Variants in AHI1 observed in about 807,000 individuals in gnomAD.
AHI1 encodes Abelson helper integration site 1.
Under a neutral mutation model 149.3 loss-of-function variants are expected in AHI1, and 123 were observed. That is an observed-to-expected ratio of 0.82 (90% CI 0.71 to 0.96). AHI1 has a LOEUF of 0.96. Ranked by LOEUF, AHI1 falls within the 40% of genes least tolerant of loss-of-function variation. The pLI is 0.00. For synonymous variants in AHI1, 475 were observed against 459.8 expected (o/e 1.03, Z -0.42); for missense variants, 1,439 against 1,422.7 (o/e 1.01, Z -0.18).
In AHI1 at chr6:135,357,042, G is replaced by A. The variant is rs147736601; in HGVS notation, c.3165+1090C>T. On this transcript the variant is annotated intron_variant, in intron 24 of 28. Coordinates refer to ENST00000265602, the MANE Select transcript of AHI1 (RefSeq NM_001134831.2). ...CAACCTTCACCTCCTGGGTTCAAGC[G>A]ATTCCCCTGCCTCAGCCTCCCGAGT... 6.5e-3 allele frequency among the ~76,000 whole-genome samples: 983 copies of A among 152,248 alleles called. 16 individuals are homozygous for A. Among genetic ancestry groups the A allele is most frequent in the African/African-American group, 0.023 (937 of 41,536 alleles).
intron 23 of AHI1, among the ~76,000 whole-genome samples, chr6:135,375,537 G>C (rs1473005951): frequency 1.3e-5 from 2 of 152,116 alleles, no homozygotes; most frequent in African/African-American, 4.8e-5. Context: ...TGGACATTTT[G>C]AAAAATAAAT....
intron 23 of AHI1, among the ~76,000 whole-genome samples, chr6:135,374,175 G>A (rs1480637298): frequency 3.7e-5 from 5 of 134,290 alleles, no homozygotes; most frequent in African/African-American, 8.4e-5. Flanking sequence ...GTGCAGTGGC[G>A]CAATCTCGGC....
At position 135,428,663 on chromosome 6, in the gene AHI1, C is replaced by T. The variant is rs147279669; in HGVS notation, c.2589G>A (p.Glu863=). ...PCGTFLFAGS[E]DGIVYVWNPE... ...GGTTCCAAACATACACTATACCATC[C>T]TCACTTCCAGCAAACAGAAAAGTCC... is the stretch of plus-strand genomic sequence containing the variant. Residue 863 remains glutamate, a synonymous_variant, in exon 19 of 29, where the codon GAG becomes GAA. Coordinates refer to ENST00000265602, the MANE Select transcript of AHI1 (RefSeq NM_001134831.2). 591 of 1,608,752 alleles carry T rather than the reference C, an allele frequency of 3.7e-4. 2 individuals are homozygous for T. The East Asian group carries it at 0.011, about 29-fold the overall frequency.
At chr6:135,321,522 G>C (rs1562495933) in intron 25 of AHI1, among the ~76,000 whole-genome samples, 1 of 152,134 alleles carries the variant, frequency 6.6e-6, no homozygotes, top group African/African-American at 2.4e-5. Context: ...AGACAAGGTC[G>C]TGGGAAGGTG....
chr6:135,361,649 A>T (rs1361464215), intron 23 of AHI1, among the ~76,000 whole-genome samples: 18 of 28,296 alleles, frequency 6.4e-4, no homozygotes, highest in Admixed American at 1.3e-3. Flanking sequence ...ATGGTTTCAC[A>T]CACACACACA....
At chr6:135,324,618 G>A (rs1206316615) in intron 24 of AHI1, among the ~76,000 whole-genome samples, 3 of 151,526 alleles carry the variant, frequency 2.0e-5, no homozygotes, top group African/African-American at 7.3e-5. Context: ...GTCCAGGGAA[G>A]AGAAACCTAA....
intron 24 of AHI1, among the ~76,000 whole-genome samples, chr6:135,327,487 T>C (rs967928701): frequency 6.6e-6 from 1 of 152,232 alleles, no homozygotes; most frequent in Non-Finnish European, 1.5e-5. Flanking sequence ...CCTCATTTTA[T>C]TGTATTTCAC....
In AHI1 at chr6:135,414,783, C is replaced by T. The variant is rs181877902; in HGVS notation, c.2765-3239G>A. ...AATGGCTAATATTCAAAAGATTGGC[C>T]ATTTCTTTTTTTAAATTTTTTTATT... On this transcript the variant is annotated intron_variant, in intron 20 of 28. Coordinates refer to ENST00000265602, the MANE Select transcript of AHI1 (RefSeq NM_001134831.2). 7.6e-3 allele frequency among the ~76,000 whole-genome samples: 1,153 copies of T among 151,686 alleles called. 18 individuals are homozygous for T. The highest frequency in any genetic ancestry group is 0.026 in the African/African-American group (1,093 of 41,388).
At chr6:135,447,648 T>G (rs1787451692) in intron 12 of AHI1, among the ~76,000 whole-genome samples, 1 of 152,140 alleles carries the variant, frequency 6.6e-6, no homozygotes, top group South Asian at 2.1e-4. Context: ...ACCTGAAAAA[T>G]TAATGTCTTA....
chr6:135,335,493 C>G (rs745459234), intron 24 of AHI1, among the ~76,000 whole-genome samples: 15 of 150,282 alleles, frequency 1.0e-4, no homozygotes, highest in Non-Finnish European at 1.9e-4. Context: ...TGGGATGTTA[C>G]ATTGTATTTG....
intron 23 of AHI1, among the ~76,000 whole-genome samples, chr6:135,394,193 T>C (rs1778899722): frequency 6.6e-6 from 1 of 152,098 alleles, no homozygotes; most frequent in Non-Finnish European, 1.5e-5. Flanking sequence ...AAGTCATCTT[T>C]CAATACCACA....
chr6:135,475,428 T>C (rs993485795), intron 5 of AHI1, among the ~76,000 whole-genome samples: 49 of 152,338 alleles, frequency 3.2e-4, no homozygotes, highest in Admixed American at 3.0e-3. Context: ...GATAAGAGTG[T>C]TTCTAAATGC....
In AHI1 at chr6:135,300,398, TTA is replaced by T. The variant is rs1262426578; in HGVS notation, c.3485+100_3485+101del. 9.9e-6 allele frequency: 12 copies of T among 1,215,284 alleles called. No homozygotes were observed. In the African/African-American group the frequency reaches 1.8e-4, roughly 18 times the overall value. The allele number at this position is 1,215,284 out of a possible 1,614,324, so 75.3% of individuals were successfully genotyped here. ...TAAAATCAACTATCTGAAATTTAAC[TTA>T]TAGTTTGATAATGTTATAAAAATAA... On this transcript the variant is annotated intron_variant, in intron 27 of 28. Coordinates refer to ENST00000265602, the MANE Select transcript of AHI1 (RefSeq NM_001134831.2).
chr6:135,401,260 T>C (rs767546227), intron 22 of AHI1, among the ~76,000 whole-genome samples: 10 of 152,186 alleles, frequency 6.6e-5, no homozygotes, highest in Non-Finnish European at 1.0e-4. Flanking sequence ...TTTTATTTTC[T>C]TCACATCACT....
At chr6:135,480,232 G>A (rs1583454868) in intron 5 of AHI1, among the ~76,000 whole-genome samples, 2 of 152,156 alleles carry the variant, frequency 1.3e-5, no homozygotes, top group East Asian at 3.9e-4. Context: ...CAAGGCAGGA[G>A]GATCACATGG....
chr6:135,370,538 G>T (rs1292240892), intron 23 of AHI1, among the ~76,000 whole-genome samples: 1 of 152,178 alleles, frequency 6.6e-6, no homozygotes, highest in African/African-American at 2.4e-5. Flanking sequence ...GATTATAGAA[G>T]GCTTGCTCCT....
At chr6:135,377,770 C>T (rs1776166749) in intron 23 of AHI1, among the ~76,000 whole-genome samples, 1 of 152,036 alleles carries the variant, frequency 6.6e-6, no homozygotes, top group African/African-American at 2.4e-5. Context: ...CCACTGAGCC[C>T]AGCCTGAGTT....
chr6:135,366,447 A>G (rs1322386608), intron 23 of AHI1, among the ~76,000 whole-genome samples: 1 of 151,980 alleles, frequency 6.6e-6, no homozygotes, highest in Non-Finnish European at 1.5e-5. Context: ...ATTTTTTATT[A>G]CCATTTCAAT....
intron 23 of AHI1, among the ~76,000 whole-genome samples, chr6:135,384,083 A>G (rs1777246244): frequency 6.6e-6 from 1 of 152,228 alleles, no homozygotes; most frequent in Admixed American, 6.5e-5. Context: ...TTTATATAAT[A>G]AAAACCACTT....
Sources: allele counts gnomAD v4.1 joint callset (sites outside exome capture counted in the v4.1 genomes callset), GRCh38; gene constraint gnomAD v4.1.1; transcripts MANE v1.5; gene names NCBI Gene and HGNC (gene_info 2026-07-23, HGNC 2026-07-21).